The following KCNQ1 variants were observed in gnomAD, a reference collection of about 807,000 sequenced individuals.
KCNQ1 encodes potassium voltage-gated channel subfamily KQT member 1.
A neutral mutation model predicts 72.4 loss-of-function variants in KCNQ1; 49 were observed. That is an observed-to-expected ratio of 0.68 (90% confidence interval 0.54 to 0.86). The LOEUF is 0.86. Among genes scored for constraint, KCNQ1 ranks in the 40% least tolerant of loss-of-function variants. The pLI is 0.00. For synonymous variants in KCNQ1, 450 were observed against 412.6 expected (o/e 1.09, Z -1.10); for missense variants, 790 against 945.1 (o/e 0.84, Z 2.15).
chr11:2,536,922 T>TC lies in KCNQ1; in HGVS notation c.477+8911dup, dbSNP rs1420378355. ...CTGTCTTCTAGATGTAGTACCCCAA[T>TC]CCCCCCCAGTCCCTCCCTTTACCTC... On this transcript the variant is annotated intron_variant, in intron 2 of 15. Transcript: ENST00000155840. The surrounding 1 kb of genome is among the most constrained non-coding windows in gnomAD (Gnocchi z 7.4). 6.6e-5 allele frequency among the ~76,000 whole-genome samples: 10 copies of TC among 151,340 alleles called. No individual in the cohort carries two copies. Among genetic ancestry groups the TC allele is most frequent in the South Asian group, 2.1e-4 (1 of 4,790 alleles).
rs549243789 is a variant in KCNQ1 at position 2,603,625 on chromosome 11, A to G, written c.1393+14771A>G. 1.3e-5 allele frequency among the ~76,000 whole-genome samples: 2 copies of G among 152,250 alleles called. No homozygotes were observed. Among genetic ancestry groups the G allele is most frequent in the South Asian group, 4.1e-4 (2 of 4,830 alleles). Reference sequence around the variant, plus strand: ...ACATTTTATATAAGTGGAATCATACAATGTATGGTCCTTTGTGACTGGTTA... The same window carrying G: ...ACATTTTATATAAGTGGAATCATACGATGTATGGTCCTTTGTGACTGGTTA... On this transcript the variant is annotated intron_variant, in intron 10 of 15. Coordinates refer to ENST00000155840, the MANE Select transcript of KCNQ1 (RefSeq NM_000218.3). The surrounding 1 kb of genome is among the most constrained non-coding windows in gnomAD (Gnocchi z 4.1).
At chr11:2,499,196 A>G (rs1242056973) in intron 1 of KCNQ1, among the ~76,000 whole-genome samples, 2 of 152,074 alleles carry the variant, frequency 1.3e-5, no homozygotes, top group Non-Finnish European at 2.9e-5. Context: ...AGAATTTTTG[A>G]TTTTGTTTTT....
intron 11 of KCNQ1, chr11:2,699,568 C>G (rs980632056): frequency 6.1e-5 from 21 of 345,418 alleles, no homozygotes; most frequent in Non-Finnish European, 8.7e-5. Context: ...GAGAACCATG[C>G]TGAGGAGCCC....
chr11:2,513,209 C>T (rs1055410713), intron 1 of KCNQ1, among the ~76,000 whole-genome samples: 5 of 152,160 alleles, frequency 3.3e-5, no homozygotes, highest in Admixed American at 1.3e-4. Flanking sequence ...CTCTCCTGGC[C>T]GTGTCATTGC....
At chr11:2,777,734 A>C (rs1436189776) in intron 14 of KCNQ1, 1 of 608,468 alleles carries the variant, frequency 1.6e-6, no homozygotes, top group African/African-American at 1.9e-5. Flanking sequence ...GGGCTCTCAG[A>C]GGTCAGAGGT....
rs948934505 is a variant in KCNQ1 at position 2,724,350 on chromosome 11, C to T, written c.1515-44494C>T. Among the ~76,000 whole-genome samples the T allele has an allele frequency of 9.8e-5, 15 of 152,324 alleles. No homozygotes were observed. The highest frequency in any genetic ancestry group is 3.4e-4 in the African/African-American group (14 of 41,576). ...ATCCTCAGGAGTGACAGCGTCCTCC[C>T]GCCCGGATTGGGTTTCTGCACAGTG... is the stretch of plus-strand genomic sequence containing the variant. On this transcript the variant is annotated intron_variant, in intron 11 of 15. Transcript: ENST00000155840. The surrounding 1 kb of genome is among the most constrained non-coding windows in gnomAD (Gnocchi z 6.8).
rs1564811929 is a variant in KCNQ1 at position 2,544,272 on chromosome 11, A to ATATATATACG, written c.477+16261_477+16262insACGTATATAT. Among the ~76,000 whole-genome samples the ATATATATACG allele has an allele frequency of 5.5e-3, 587 of 107,624 alleles. 12 individuals carry two copies. The highest frequency in any genetic ancestry group is 0.026 in the African/African-American group (493 of 19,000). The allele number at this position is 107,624 out of a possible 152,430, so 70.6% of individuals were successfully genotyped here. A position where few individuals can be genotyped will look rare whatever the true frequency, so the allele number is the denominator to read the frequency against. On this transcript the variant is annotated intron_variant, in intron 2 of 15. Coordinates refer to ENST00000155840, the MANE Select transcript of KCNQ1 (RefSeq NM_000218.3). This position sits in a 1 kb window ranked among gnomAD's most constrained non-coding sequence, Gnocchi z 4.4. ...TGTATATATATATGTGTGTGTGTGTATATATATGTGTATATATATATGTAT... is the reference window on the plus strand; with the variant it reads ...TGTATATATATATGTGTGTGTGTGTATATATATACGTATATATGTGTATATATATATGTAT...
Position 2,495,578 on chromosome 11 carries a change from C to G in KCNQ1, c.387-32350C>G, listed in dbSNP as rs1846898742. Among the ~76,000 whole-genome samples the G allele has an allele frequency of 6.6e-6, 1 of 152,090 alleles. No homozygotes were observed. Among genetic ancestry groups the G allele is most frequent in the Non-Finnish European group, 1.5e-5 (1 of 68,006 alleles). Reference sequence around the variant, plus strand: ...TTTCAAAGAATTTCTTTATTTCTGCCTTGATTTTGTTATTTACTCAGTAGT... The same window carrying G: ...TTTCAAAGAATTTCTTTATTTCTGCGTTGATTTTGTTATTTACTCAGTAGT... On this transcript the variant is annotated intron_variant, in intron 1 of 15. Coordinates refer to ENST00000155840, the MANE Select transcript of KCNQ1 (RefSeq NM_000218.3). This position sits in a 1 kb window ranked among gnomAD's most constrained non-coding sequence, Gnocchi z 4.6.
intron 11 of KCNQ1, chr11:2,665,360 C>T (rs1341732106): frequency 1.3e-5 from 5 of 398,034 alleles, no homozygotes; most frequent in Non-Finnish European, 1.8e-5. Context: ...TTGGGGAGCA[C>T]CCCCATGACA....
chr11:2,591,941 G>T (rs748513001), intron 10 of KCNQ1, among the ~76,000 whole-genome samples: 4 of 152,246 alleles, frequency 2.6e-5, no homozygotes, highest in Non-Finnish European at 4.4e-5. Context: ...GGCTTGGGGA[G>T]AAGGAGATGC....
intron 10 of KCNQ1, chr11:2,628,226 T>C (rs181435610): frequency 1.1e-4 from 43 of 398,636 alleles, no homozygotes; most frequent in Admixed American, 4.4e-5. Context: ...TTTTCCATAA[T>C]GACTGTATCA....
chr11:2,752,135 TGTGTAGTGTTGACTTGAGTTGCATC>T lies in KCNQ1; in HGVS notation c.1515-16704_1515-16680del, dbSNP rs1393151883. Among the ~76,000 whole-genome samples, 6 of 152,340 alleles carry T rather than the reference TGTGTAGTGTTGACTTGAGTTGCATC, an allele frequency of 3.9e-5. No homozygotes were observed. The South Asian group carries it at 8.3e-4, about 21-fold the overall frequency. On this transcript the variant is annotated intron_variant, in intron 11 of 15. Transcript: ENST00000155840. This position sits in a 1 kb window ranked among gnomAD's most constrained non-coding sequence, Gnocchi z 5.2. ...TTGTAGCCGAGCTTGGGAGTTGTGTTGTGTAGTGTTGACTTGAGTTGCATCGTGTTGTGTTGACTTGAGCTGAACT... is the reference window on the plus strand; with the variant it reads ...TTGTAGCCGAGCTTGGGAGTTGTGTTGTGTTGTGTTGACTTGAGCTGAACT...
rs1849270593 is a variant in KCNQ1, at chr11:2,626,886, G to T, written c.1394-35075G>T. Reference sequence around the variant, plus strand: ...CTCCAATGTTGTTCATCATTTTCAAGAATGTTTTAGCTATTCAAGGTCCCT... The same window carrying T: ...CTCCAATGTTGTTCATCATTTTCAATAATGTTTTAGCTATTCAAGGTCCCT... On this transcript the variant is annotated intron_variant, in intron 10 of 15. Coordinates refer to ENST00000155840, the MANE Select transcript of KCNQ1 (RefSeq NM_000218.3). This position sits in a 1 kb window ranked among gnomAD's most constrained non-coding sequence, Gnocchi z 4.0. 2.5e-6 allele frequency: 1 copy of T among 398,416 alleles called. No homozygotes were observed. The highest frequency in any genetic ancestry group is 4.4e-6 in the Non-Finnish European group (1 of 226,048). The allele number at this position is 398,416 out of a possible 1,614,324, so 24.7% of individuals were successfully genotyped here. A position where few individuals can be genotyped will look rare whatever the true frequency, so the allele number is the denominator to read the frequency against.
At chr11:2,736,613 C>T (rs1251678343) in intron 11 of KCNQ1, among the ~76,000 whole-genome samples, 1 of 152,168 alleles carries the variant, frequency 6.6e-6, no homozygotes. Context: ...TAGGGCCGTC[C>T]CTCCCACCCC....
intron 15 of KCNQ1, among the ~76,000 whole-genome samples, chr11:2,839,002 G>T (rs879574366): frequency 6.4e-5 from 8 of 125,876 alleles, no homozygotes; most frequent in South Asian, 2.5e-4. Context: ...CCTGCCCGGG[G>T]TTGCACTAGG....
rs1250916759 is a variant in KCNQ1 at position 2,687,376 on chromosome 11, G to A, written c.1514+25295G>A. ...AGGTCTGCCTTGGGCTGTCACTCAGGGCTGAGCTCTGCTGAAGGATCTGGG... is the reference window on the plus strand; with the variant it reads ...AGGTCTGCCTTGGGCTGTCACTCAGAGCTGAGCTCTGCTGAAGGATCTGGG... On this transcript the variant is annotated intron_variant, in intron 11 of 15. Coordinates refer to ENST00000155840, the MANE Select transcript of KCNQ1 (RefSeq NM_000218.3). The surrounding 1 kb of genome is among the most constrained non-coding windows in gnomAD (Gnocchi z 5.0). 2.5e-6 allele frequency: 1 copy of A among 398,538 alleles called. No homozygotes were observed. Among genetic ancestry groups the A allele is most frequent in the Non-Finnish European group, 4.4e-6 (1 of 226,104 alleles). 24.7% of individuals were successfully genotyped at this position (398,538 alleles called of 1,614,324 possible). A position where few individuals can be genotyped will look rare whatever the true frequency, so the allele number is the denominator to read the frequency against.
rs563911068 is a variant in KCNQ1 at position 2,511,983 on chromosome 11, T to C, written c.387-15945T>C. On this transcript the variant is annotated intron_variant, in intron 1 of 15. Transcript: ENST00000155840. ...AGCAGTGCAGAGGAAGCGTGAGCAT[T>C]TGTCTCGGGCCAGCTGGAGAAAGGA... is the stretch of plus-strand genomic sequence containing the variant. Among the ~76,000 whole-genome samples, 27 of 152,264 alleles carry C rather than the reference T, an allele frequency of 1.8e-4. 1 individual carries two copies. In the South Asian group the frequency reaches 4.8e-3, roughly 27 times the overall value.
chr11:2,825,258 G>T (rs867139196), intron 15 of KCNQ1, among the ~76,000 whole-genome samples: 1 of 152,224 alleles, frequency 6.6e-6, no homozygotes, highest in African/African-American at 2.4e-5. Context: ...TTCCTGGCAG[G>T]GTGGGCTCTG....
At chr11:2,829,742 C>T (rs1365291513) in intron 15 of KCNQ1, among the ~76,000 whole-genome samples, 1 of 151,882 alleles carries the variant, frequency 6.6e-6, no homozygotes, top group Non-Finnish European at 1.5e-5. Flanking sequence ...TTGGAAATGC[C>T]AAGGTAAAGC....
Sources: allele counts gnomAD v4.1 joint callset (sites outside exome capture counted in the v4.1 genomes callset), GRCh38; gene constraint gnomAD v4.1.1; non-coding constraint Gnocchi (gnomAD v3.1); transcripts MANE v1.5; gene names NCBI Gene and HGNC (gene_info 2026-07-23, HGNC 2026-07-21).